Variants in GRID2 observed in about 807,000 individuals in gnomAD.
The protein encoded by GRID2 is glutamate receptor ionotropic, delta-2.
A neutral mutation model predicts 114.8 loss-of-function variants in GRID2; 33 were observed. That is an observed-to-expected ratio of 0.29 (90% confidence interval 0.22 to 0.38). GRID2 has a LOEUF of 0.38. Among genes scored for constraint, GRID2 ranks in the 10% least tolerant of loss-of-function variants. The probability of loss-of-function intolerance (pLI) is 1.00; values close to 1 mark genes in which losing one functional copy is unlikely to be tolerated. For missense variants in GRID2, 1,184 were observed against 1,257.7 expected (o/e 0.94, Z 0.89); for synonymous variants, 505 against 449.9 (o/e 1.12, Z -1.55).
chr4:93,327,849 T>A (rs535720773), intron 8 of GRID2, among the ~76,000 whole-genome samples: 7 of 152,110 alleles, frequency 4.6e-5, no homozygotes, highest in Non-Finnish European at 8.8e-5. Flanking sequence ...ACAATATATT[T>A]ATGTAATAAA....
chr4:93,080,903 C>G (rs1186288297), intron 2 of GRID2, among the ~76,000 whole-genome samples: 1 of 152,126 alleles, frequency 6.6e-6, no homozygotes, highest in East Asian at 1.9e-4. Context: ...GCTGTGTCAT[C>G]CTATGGAGGA....
chr4:92,651,212 T>G (rs1403140891), intron 2 of GRID2, among the ~76,000 whole-genome samples: 2 of 152,042 alleles, frequency 1.3e-5, no homozygotes, highest in Non-Finnish European at 1.5e-5. Flanking sequence ...CACTGCCCCT[T>G]CCATGATGGA....
chr4:93,633,304 A>AT (rs1421072608), intron 14 of GRID2, among the ~76,000 whole-genome samples: 3 of 151,924 alleles, frequency 2.0e-5, no homozygotes, highest in Non-Finnish European at 4.4e-5. Flanking sequence ...TTTACTTTGT[A>AT]TTTTTACAAG....
chr4:92,505,731 A>G (rs1206931333), intron 1 of GRID2, among the ~76,000 whole-genome samples: 1 of 152,012 alleles, frequency 6.6e-6, no homozygotes, highest in Non-Finnish European at 1.5e-5. Flanking sequence ...CCCAGAGGAC[A>G]GGACTACTTG....
chr4:92,534,561 T>G (rs2149155225), intron 1 of GRID2, among the ~76,000 whole-genome samples: 1 of 152,232 alleles, frequency 6.6e-6, no homozygotes, highest in East Asian at 1.9e-4. Flanking sequence ...TTCCTTCAAT[T>G]ATAAAGTATG....
intron 1 of GRID2, among the ~76,000 whole-genome samples, chr4:92,560,710 AT>A (rs71579569): frequency 5.3e-5 from 8 of 150,104 alleles, no homozygotes; most frequent in African/African-American, 1.2e-4. Context: ...CATGGAACTA[AT>A]TTTTTTTTTC....
At chr4:92,523,709 G>A (rs1724895790) in intron 1 of GRID2, among the ~76,000 whole-genome samples, 1 of 152,024 alleles carries the variant, frequency 6.6e-6, no homozygotes, top group East Asian at 1.9e-4. Flanking sequence ...TGTGATAGCA[G>A]GTTCAGCAGA....
At chr4:93,041,163 G>A (rs1392430263) in intron 2 of GRID2, among the ~76,000 whole-genome samples, 6 of 152,052 alleles carry the variant, frequency 3.9e-5, no homozygotes, top group African/African-American at 1.4e-4. Flanking sequence ...ATGAATTCAA[G>A]GTAGCTGAAA....
At chr4:92,649,701 T>C (rs1273576855) in intron 2 of GRID2, among the ~76,000 whole-genome samples, 2 of 152,022 alleles carry the variant, frequency 1.3e-5, no homozygotes, top group African/African-American at 4.8e-5. Flanking sequence ...ATCATAATTC[T>C]GCTTAACATT....
At chr4:93,169,048 A>AT (rs1738537886) in intron 4 of GRID2, among the ~76,000 whole-genome samples, 1 of 151,862 alleles carries the variant, frequency 6.6e-6, no homozygotes, top group South Asian at 2.1e-4. Context: ...CTCAAGTACT[A>AT]TTTTTTAAAA....
At chr4:92,624,996 A>G (rs965103279) in intron 2 of GRID2, among the ~76,000 whole-genome samples, 2 of 151,716 alleles carry the variant, frequency 1.3e-5, no homozygotes, top group Admixed American at 6.6e-5. Flanking sequence ...GTTAACTTAA[A>G]TTTTTGGTGG....
At chr4:93,765,608 T>TTATATATATATATATATATA (rs66550272) in intron 14 of GRID2, among the ~76,000 whole-genome samples, 128 of 29,346 alleles carry the variant, frequency 4.4e-3, no homozygotes, top group African/African-American at 0.014. Flanking sequence ...AGGTGAGGTA[T>TTATATATATATATATATATA]TATATATATA....
chr4:92,932,952 G>T (rs997131936), intron 2 of GRID2, among the ~76,000 whole-genome samples: 1 of 151,116 alleles, frequency 6.6e-6, no homozygotes, highest in Admixed American at 6.6e-5. Context: ...GAAAAGGAGT[G>T]TATGGGAAAT....
At chr4:93,040,315 A>G (rs1040835758) in intron 2 of GRID2, among the ~76,000 whole-genome samples, 3 of 152,034 alleles carry the variant, frequency 2.0e-5, no homozygotes, top group African/African-American at 4.8e-5. Flanking sequence ...AAACATCACT[A>G]ACAATGAAAG....
At chr4:92,517,119 T>C (rs76351994) in intron 1 of GRID2, among the ~76,000 whole-genome samples, 2,996 of 151,992 alleles carry the variant, frequency 0.02, 101 homozygotes, top group African/African-American at 0.069. Context: ...TGCCACGTAC[T>C]GGATGCCCTC....
chr4:93,031,322 G>A (rs1297081565), intron 2 of GRID2, among the ~76,000 whole-genome samples: 2 of 152,196 alleles, frequency 1.3e-5, no homozygotes, highest in African/African-American at 4.8e-5. Flanking sequence ...GGGATAATAG[G>A]TGTGAGCCAC....
chr4:92,495,955 T>A (rs113802700), intron 1 of GRID2, among the ~76,000 whole-genome samples: 1,640 of 152,028 alleles, frequency 0.011, 27 homozygotes, highest in African/African-American at 0.038. Context: ...ATGAGCCATC[T>A]TTATGGCTAA....
intron 2 of GRID2, among the ~76,000 whole-genome samples, chr4:92,958,447 G>A (rs912083627): frequency 5.9e-5 from 9 of 151,944 alleles, no homozygotes; most frequent in Admixed American, 1.3e-4. Flanking sequence ...TTCTTATTTA[G>A]CTTGTTGATA....
intron 2 of GRID2, among the ~76,000 whole-genome samples, chr4:92,740,265 A>T (rs1163227907): frequency 6.6e-6 from 1 of 152,222 alleles, no homozygotes; most frequent in Non-Finnish European, 1.5e-5. Flanking sequence ...GTGTGTCACA[A>T]GGACTGAAGA....
Sources: allele counts gnomAD v4.1 joint callset (sites outside exome capture counted in the v4.1 genomes callset), GRCh38; gene constraint gnomAD v4.1.1; transcripts MANE v1.5; gene names NCBI Gene and HGNC (gene_info 2026-07-23, HGNC 2026-07-21).